The following WWOX variants were observed in gnomAD, a reference collection of about 807,000 sequenced individuals.
WWOX encodes the protein WW domain containing oxidoreductase.
Under a neutral mutation model 46.2 loss-of-function variants are expected in WWOX, and 69 were observed. The ratio of observed to expected loss-of-function variants is 1.49; its 90% CI spans 1.23 to 1.82. WWOX has a LOEUF of 1.82. Among genes scored for constraint, WWOX ranks in the 40% most tolerant of loss-of-function variants. WWOX has a pLI of 0.00. For missense variants in WWOX, 919 were observed against 542.6 expected (o/e 1.69, Z -6.89); for synonymous variants, 359 against 202.6 (o/e 1.77, Z -6.56).
chr16:78,607,332 A>C (rs1474910821), intron 8 of WWOX, among the ~76,000 whole-genome samples: 6 of 152,204 alleles, frequency 3.9e-5, no homozygotes, highest in Non-Finnish European at 8.8e-5. Flanking sequence ...TAAATGAAAT[A>C]CGCTTACATC....
intron 8 of WWOX, among the ~76,000 whole-genome samples, chr16:78,484,942 G>T (rs542347029): frequency 6.6e-5 from 10 of 152,220 alleles, no homozygotes; most frequent in Non-Finnish European, 8.8e-5. Context: ...GTACTACACA[G>T]CCTGTGTACC....
At chr16:78,585,657 T>C (rs964582449) in intron 8 of WWOX, among the ~76,000 whole-genome samples, 1 of 151,770 alleles carries the variant, frequency 6.6e-6, no homozygotes, top group Non-Finnish European at 1.5e-5. Flanking sequence ...TGTTGTTTTT[T>C]CTTTTGTTTT....
intron 8 of WWOX, among the ~76,000 whole-genome samples, chr16:78,816,585 A>C (rs748984528): frequency 6.9e-6 from 1 of 145,470 alleles, no homozygotes; most frequent in Non-Finnish European, 1.5e-5. Context: ...TTTGTCTTTA[A>C]AAATTTTCAT....
At chr16:79,210,474 A>C (rs1336127553) in intron 8 of WWOX, among the ~76,000 whole-genome samples, 1 of 152,130 alleles carries the variant, frequency 6.6e-6, no homozygotes, top group African/African-American at 2.4e-5. Flanking sequence ...TCGGGTCGGA[A>C]AGCCATTTCC....
intron 8 of WWOX, among the ~76,000 whole-genome samples, chr16:78,730,555 G>C (rs2048944564): frequency 6.6e-6 from 1 of 151,292 alleles, no homozygotes; most frequent in Non-Finnish European, 1.5e-5. Context: ...GGTCTCAAAT[G>C]ATCCACCCAA....
rs1567563647 is a variant in WWOX at position 78,422,832 on chromosome 16, TATATATACATATACACACAC to T, written c.606-2036_606-2017del. ...ACACATATATATACACACACATATATATATATACATATACACACACACACACACACACACACACACACACA... is the reference window on the plus strand; with the variant it reads ...ACACATATATATACACACACATATATACACACACACACACACACACACACA... On this transcript the variant is annotated intron_variant, in intron 6 of 8. Coordinates refer to ENST00000566780, the MANE Select transcript of WWOX (RefSeq NM_016373.4). 2.1e-3 allele frequency among the ~76,000 whole-genome samples: 227 copies of T among 110,162 alleles called. 14 individuals are homozygous for T. In the East Asian group the frequency reaches 0.021, roughly 10 times the overall value. The allele number at this position is 110,162 out of a possible 152,430, so 72.3% of individuals were successfully genotyped here. A position where few individuals can be genotyped will look rare whatever the true frequency, so the allele number is the denominator to read the frequency against.
chr16:78,452,529 T>C (rs919767461), intron 8 of WWOX, among the ~76,000 whole-genome samples: 1 of 145,348 alleles, frequency 6.9e-6, no homozygotes, highest in Non-Finnish European at 1.5e-5. Flanking sequence ...CAGGCTGGAG[T>C]GCAGTGGCGG....
Position 78,344,458 on chromosome 16 carries a change from C to T in WWOX, c.517-42402C>T, listed in dbSNP as rs183935666. Reference sequence around the variant, plus strand: ...GGAATTACCACGAGGAACCTGTTCTCTTATGTTTCTGCTTAGATGGCTGGG... The same window carrying T: ...GGAATTACCACGAGGAACCTGTTCTTTTATGTTTCTGCTTAGATGGCTGGG... On this transcript the variant is annotated intron_variant, in intron 5 of 8. Coordinates refer to ENST00000566780, the MANE Select transcript of WWOX (RefSeq NM_016373.4). Among the ~76,000 whole-genome samples the T allele has an allele frequency of 1.4e-3, 174 of 121,610 alleles. 37 individuals are homozygous for T. The highest frequency in any genetic ancestry group is 4.7e-3 in the African/African-American group (170 of 35,990). The allele number at this position is 121,610 out of a possible 152,430, so 79.8% of individuals were successfully genotyped here. A position where few individuals can be genotyped will look rare whatever the true frequency, so the allele number is the denominator to read the frequency against.
At chr16:78,612,058 C>G (rs561503723) in intron 8 of WWOX, among the ~76,000 whole-genome samples, 1 of 152,192 alleles carries the variant, frequency 6.6e-6, no homozygotes, top group African/African-American at 2.4e-5. Flanking sequence ...TGGTGTGCAC[C>G]TGGCATATCC....
At chr16:78,456,598 T>A (rs1258554422) in intron 8 of WWOX, among the ~76,000 whole-genome samples, 2 of 152,236 alleles carry the variant, frequency 1.3e-5, no homozygotes, top group Non-Finnish European at 2.9e-5. Flanking sequence ...CTGATGGGTA[T>A]GTAGTTCATT....
chr16:78,812,675 A>G (rs556267298), intron 8 of WWOX, among the ~76,000 whole-genome samples: 12 of 152,190 alleles, frequency 7.9e-5, no homozygotes, highest in African/African-American at 9.6e-5. Flanking sequence ...GCAGTGAGCC[A>G]AGATAGTGCC....
intron 8 of WWOX, among the ~76,000 whole-genome samples, chr16:78,647,850 G>A (rs1172138052): frequency 6.6e-6 from 1 of 152,108 alleles, no homozygotes; most frequent in East Asian, 1.9e-4. Flanking sequence ...TGGCTTTGGG[G>A]GATCCCAGCT....
chr16:78,311,310 C>G (rs1210408257), intron 5 of WWOX, among the ~76,000 whole-genome samples: 1 of 152,268 alleles, frequency 6.6e-6, no homozygotes, highest in East Asian at 1.9e-4. Flanking sequence ...AAATTCCTTT[C>G]TTGATCATCT....
intron 8 of WWOX, among the ~76,000 whole-genome samples, chr16:78,826,344 C>T (rs1233680779): frequency 6.6e-6 from 1 of 152,208 alleles, no homozygotes; most frequent in African/African-American, 2.4e-5. Context: ...AAAACTCAGT[C>T]TCAAAACAAC....
chr16:78,750,003 C>T (rs964624457), intron 8 of WWOX, among the ~76,000 whole-genome samples: 5 of 152,140 alleles, frequency 3.3e-5, no homozygotes, highest in African/African-American at 1.2e-4. Context: ...CCAACAATCC[C>T]TTCTTGTCGT....
intron 6 of WWOX, among the ~76,000 whole-genome samples, chr16:78,409,985 C>A (rs2082639441): frequency 6.6e-6 from 1 of 152,238 alleles, no homozygotes; most frequent in Non-Finnish European, 1.5e-5. Flanking sequence ...CATGTTGAAA[C>A]ATAATCCCTA....
chr16:78,853,790 G>C (rs1015871485), intron 8 of WWOX, among the ~76,000 whole-genome samples: 1 of 152,112 alleles, frequency 6.6e-6, no homozygotes, highest in Non-Finnish European at 1.5e-5. Flanking sequence ...TGAACCAAGA[G>C]ATGCCATAAG....
intron 6 of WWOX, among the ~76,000 whole-genome samples, chr16:78,404,318 G>C (rs547130286): frequency 2.0e-5 from 3 of 152,198 alleles, no homozygotes; most frequent in African/African-American, 4.8e-5. Context: ...AAATTCTGTT[G>C]TATGCCAAGC....
At chr16:78,640,443 A>C (rs1186413624) in intron 8 of WWOX, among the ~76,000 whole-genome samples, 1 of 151,860 alleles carries the variant, frequency 6.6e-6, no homozygotes, top group Non-Finnish European at 1.5e-5. Flanking sequence ...ACGTCTCCAC[A>C]TTCTGCACCT....
Sources: gnomAD v4.1 joint callset for allele counts (sites outside exome capture counted in the v4.1 genomes callset) on GRCh38, gnomAD v4.1.1 for gene constraint, MANE v1.5 for transcripts, NCBI Gene and HGNC (gene_info 2026-07-23, HGNC 2026-07-21) for gene names.